Variants in LBR observed in about 807,000 individuals in gnomAD.
The protein encoded by LBR is delta(14)-sterol reductase LBR.
A neutral mutation model predicts 74.3 loss-of-function variants in LBR; 28 were observed. The ratio of observed to expected loss-of-function variants is 0.38; its 90% confidence interval spans 0.28 to 0.52. The LOEUF is 0.52. Among genes scored for constraint, LBR ranks in the 20% least tolerant of loss-of-function variants. The pLI, the probability that LBR is intolerant of heterozygous loss-of-function variation, is 0.89. For synonymous variants in LBR, 228 were observed against 269.3 expected (o/e 0.85, Z 1.50); for missense variants, 717 against 760.3 (o/e 0.94, Z 0.67).
chr1:225,406,963 G>T lies in LBR; in HGVS notation c.1315-131C>A. On this transcript the variant is annotated intron_variant, in intron 10 of 13. Coordinates refer to ENST00000272163, the MANE Select transcript of LBR (RefSeq NM_002296.4). ...ACAATCAACATTTTTTTGTTAAAGGGGAGAGAGATCTGGTTCCCCTGGCCT... is the reference window on the plus strand; with the variant it reads ...ACAATCAACATTTTTTTGTTAAAGGTGAGAGAGATCTGGTTCCCCTGGCCT... The T allele has an allele frequency of 1.4e-5, 12 of 834,448 alleles. No homozygotes were observed. In the South Asian group the frequency reaches 1.8e-4, roughly 13 times the overall value. 51.7% of individuals were successfully genotyped at this position (834,448 alleles called of 1,614,324 possible). A position where few individuals can be genotyped will look rare whatever the true frequency, so the allele number is the denominator to read the frequency against.
intron 7 of LBR, 64 bp from the exon 8 acceptor site, chr1:225,412,709 A>T: frequency 7.2e-7 from 1 of 1,394,140 alleles, no homozygotes. Flanking sequence ...CATGAAACTT[A>T]CGCCACTATG....
At chr1:225,412,885 T>C (rs1254811683) in intron 7 of LBR, among the ~76,000 whole-genome samples, 1 of 152,216 alleles carries the variant, frequency 6.6e-6, no homozygotes, top group Non-Finnish European at 1.5e-5. Flanking sequence ...TCAGTTCAAA[T>C]GGTCATTATT....
In LBR at chr1:225,406,816, G is replaced by C. The variant is rs186333444; in HGVS notation, c.1331C>G (p.Thr444Ser). The C allele has an allele frequency of 4.3e-6, 7 of 1,614,194 alleles. No homozygotes were observed. Among genetic ancestry groups the C allele is most frequent in the Non-Finnish European group, 5.9e-6 (7 of 1,180,022 alleles). ...ALWNEEALLT[T>S]MDIIHDGFGF... ...AAATCCATCGTGGATGATGTCCATG[G>C]TCGTCAACAACGCTTCCTATAAGGA... Residue 444 changes from threonine to serine, a missense_variant, in exon 11 of 14, where the codon ACC (threonine) becomes AGC (serine). Transcript: ENST00000272163.
At chr1:225,423,106 C>G (rs1189584733) in intron 2 of LBR, among the ~76,000 whole-genome samples, 1 of 152,108 alleles carries the variant, frequency 6.6e-6, no homozygotes, top group East Asian at 1.9e-4. Flanking sequence ...TGTGCAAGTA[C>G]CAAAATTGAG....
chr1:225,421,465 C>A (rs189385260), intron 3 of LBR, among the ~76,000 whole-genome samples: 221 of 152,352 alleles, frequency 1.5e-3, no homozygotes, highest in Non-Finnish European at 2.6e-3. Flanking sequence ...TGCGCTCCAG[C>A]CTGGGTGACA....
At chr1:225,420,822 G>A (rs1393903902) in intron 3 of LBR, among the ~76,000 whole-genome samples, 2 of 151,408 alleles carry the variant, frequency 1.3e-5, no homozygotes, top group Non-Finnish European at 2.9e-5. Flanking sequence ...GAGAAACTGA[G>A]CATTCATACA....
At chr1:225,407,699 A>G (rs1188122284) in intron 10 of LBR, among the ~76,000 whole-genome samples, 1 of 152,216 alleles carries the variant, frequency 6.6e-6, no homozygotes, top group Non-Finnish European at 1.5e-5. Context: ...AATATTAGCC[A>G]GTATAAGCTC....
chr1:225,424,867 A>G (rs968863579), intron 1 of LBR, among the ~76,000 whole-genome samples: 6 of 152,230 alleles, frequency 3.9e-5, no homozygotes, highest in Non-Finnish European at 5.9e-5. Context: ...TGAAATATCA[A>G]TTGATAGCTG....
chr1:225,407,025 C>G (rs1191491538), intron 10 of LBR, among the ~76,000 whole-genome samples, 193 bp from the exon 11 acceptor site: 1 of 152,142 alleles, frequency 6.6e-6, no homozygotes, highest in Non-Finnish European at 1.5e-5. Context: ...CCCGTCACGC[C>G]AGCCTCTCGC....
At chr1:225,409,042 G>C (rs564748561) in intron 10 of LBR, among the ~76,000 whole-genome samples, 2 of 152,298 alleles carry the variant, frequency 1.3e-5, no homozygotes, top group South Asian at 4.1e-4. Flanking sequence ...CTCTTTTGGC[G>C]ATTCATTCTA....
intron 6 of LBR, among the ~76,000 whole-genome samples, chr1:225,417,046 T>C (rs542909058): frequency 2.6e-5 from 4 of 152,272 alleles, no homozygotes; most frequent in East Asian, 1.9e-4. Flanking sequence ...AGTATATACA[T>C]ATATGACTTT....
chr1:225,412,671 T>C (rs777432694), intron 7 of LBR, 26 bp from the exon 8 acceptor site: 1 of 1,477,838 alleles, frequency 6.8e-7, no homozygotes, highest in South Asian at 1.2e-5. Context: ...AAAAAGGAAG[T>C]GGAAAATTAA....
intron 10 of LBR, among the ~76,000 whole-genome samples, chr1:225,409,437 C>T (rs1261792130): frequency 6.6e-6 from 1 of 152,174 alleles, no homozygotes; most frequent in Non-Finnish European, 1.5e-5. Context: ...GGGGGAGATA[C>T]ATAGTATTGA....
In LBR at chr1:225,419,699, G is replaced by A. The variant is rs2096124109; in HGVS notation, c.450+16C>T. 1 of 1,578,488 alleles carries A rather than the reference G, an allele frequency of 6.3e-7. No homozygotes were observed. Among genetic ancestry groups the A allele is most frequent in the South Asian group, 1.1e-5 (1 of 87,184 alleles). Reference sequence around the variant, plus strand: ...AAAAAAAAAAACAACCAAGATGAAAGGGAACACTTTCCCACCTGTGTATTT... The same window carrying A: ...AAAAAAAAAAACAACCAAGATGAAAAGGAACACTTTCCCACCTGTGTATTT... On this transcript the variant is annotated intron_variant, in intron 4 of 13. Transcript: ENST00000272163.
At chr1:225,412,732 G>T in intron 7 of LBR, 87 bp from the exon 8 acceptor site, 1 of 1,188,410 alleles carries the variant, frequency 8.4e-7, no homozygotes, top group Non-Finnish European at 1.2e-6. Context: ...ACAATGCAAT[G>T]TTCATTTTTA....
At chr1:225,417,888 C>T (rs1042718403) in intron 6 of LBR, 96 bp downstream of exon 6, 9 of 1,120,720 alleles carry the variant, frequency 8.0e-6, no homozygotes, top group Non-Finnish European at 1.2e-5. Context: ...GAGGCTGCGG[C>T]AAGAGGATCA....
Position 225,403,379 on chromosome 1 carries a change from C to T in LBR, c.1772G>A (p.Cys591Tyr), listed in dbSNP as rs772275229. 10 of 1,613,334 alleles carry T rather than the reference C, an allele frequency of 6.2e-6. No individual in the cohort carries two copies. Among genetic ancestry groups the T allele is most frequent in the Non-Finnish European group, 6.8e-6 (8 of 1,179,702 alleles). Residue 591 changes from cysteine to tyrosine, a missense_variant, in exon 14 of 14, where the codon TGT becomes TAT. Transcript: ENST00000272163. ...CCAAGCCACGCCGTATTTCTTCTTA[C>T]AGTGGTACTCGTCACGAGCTTCTCG... ...VHREARDEYH[C>Y]KKKYGVAWEK...
chr1:225,412,397 T>C, intron 8 of LBR, 57 bp downstream of exon 8: 1 of 1,507,668 alleles, frequency 6.6e-7, no homozygotes, highest in Non-Finnish European at 9.2e-7. Context: ...AATCTGGAAA[T>C]GGCTGCTGGA....
chr1:225,412,678 T>C, intron 7 of LBR, 33 bp from the exon 8 acceptor site: 1 of 1,555,022 alleles, frequency 6.4e-7, no homozygotes, highest in Non-Finnish European at 8.7e-7. Flanking sequence ...AAGTGGAAAA[T>C]TAATATTAAC....
Sources: gnomAD v4.1 joint callset for allele counts (sites outside exome capture counted in the v4.1 genomes callset) on GRCh38, gnomAD v4.1.1 for gene constraint, MANE v1.5 for transcripts, NCBI Gene and HGNC (gene_info 2026-07-23, HGNC 2026-07-21) for gene names.